Variants in CEP72 observed in about 807,000 individuals in gnomAD.
CEP72 encodes the protein centrosomal protein 72.
A neutral mutation model predicts 65.7 loss-of-function variants in CEP72; 78 were observed. The ratio of observed to expected loss-of-function variants is 1.19; its 90% CI spans 0.99 to 1.43. The LOEUF is 1.43. CEP72 is among the 40% of genes most tolerant of loss of function. The pLI is 0.00. For missense variants in CEP72, 914 were observed against 832.9 expected, an observed-to-expected ratio of 1.10 and a Z score of -1.20; for synonymous variants, 358 against 351.7, an observed-to-expected ratio of 1.02 and a Z score of -0.20.
the CEP72 span, among the ~76,000 whole-genome samples, chr5:673,728 G>C: frequency 6.6e-6 from 1 of 152,150 alleles, no homozygotes; most frequent in Non-Finnish European, 1.5e-5. Flanking sequence ...CTGGGGAGGT[G>C]AATGTGCTGG....
Position 649,157 on chromosome 5 carries a change from G to A in CEP72, c.1778+1241G>A, listed in dbSNP as rs1444886199. Among the ~76,000 whole-genome samples, 15 of 147,588 alleles carry A rather than the reference G, an allele frequency of 1.0e-4. No homozygotes were observed. In the South Asian group the frequency reaches 3.1e-3, roughly 30 times the overall value. Reference sequence around the variant, plus strand: ...TGACTGTGAGGCGTGACTGTGAGGCGTGACTGTGAGGTGTGGACTGTGAGG... The same window carrying A: ...TGACTGTGAGGCGTGACTGTGAGGCATGACTGTGAGGTGTGGACTGTGAGG... On this transcript the variant is annotated intron_variant, in intron 11 of 11. Coordinates refer to ENST00000264935, the MANE Select transcript of CEP72 (RefSeq NM_018140.4).
intron 9 of CEP72, 111 bp downstream of exon 9, chr5:640,715 C>T (rs1405662416): frequency 6.9e-7 from 1 of 1,450,888 alleles, no homozygotes; most frequent in Non-Finnish European, 9.0e-7. Context: ...ACTGCCATCT[C>T]TGCAGCCCCA....
chr5:654,456 T>C (rs995394380), downstream of CEP72, among the ~76,000 whole-genome samples: 3 of 83,316 alleles, frequency 3.6e-5, no homozygotes, highest in Non-Finnish European at 5.0e-5. Flanking sequence ...TGTGTGCTTC[T>C]GTGTGTGTGT....
chr5:676,247 C>T, the CEP72 span: 1 of 152,324 alleles, frequency 6.6e-6, no homozygotes, highest in African/African-American at 2.4e-5. Context: ...CTCAGCAGGA[C>T]ACGCAGTCTA....
chr5:675,113 CG>C, the CEP72 span, among the ~76,000 whole-genome samples: 3 of 56,974 alleles, frequency 5.3e-5, no homozygotes, highest in Non-Finnish European at 7.5e-5. Flanking sequence ...GGGTGCAGCA[CG>C]GGGGGTACAG....
At chr5:667,504 C>T (rs988255542), downstream of CEP72, among the ~76,000 whole-genome samples, 21 of 152,048 alleles carry the variant, frequency 1.4e-4, no homozygotes, top group African/African-American at 3.9e-4. Flanking sequence ...TGGGGTTAGG[C>T]GAAGATTTCT....
chr5:625,730 C>T (rs1316961775), intron 4 of CEP72, among the ~76,000 whole-genome samples: 1 of 152,158 alleles, frequency 6.6e-6, no homozygotes, highest in African/African-American at 2.4e-5. Flanking sequence ...GTGAGCCGTG[C>T]GGGAGAAGCT....
intron 11 of CEP72, among the ~76,000 whole-genome samples, chr5:649,769 C>T (rs796330647): frequency 0.011 from 198 of 18,818 alleles, 3 homozygotes; most frequent in African/African-American, 0.031. Context: ...GACTGTGAGG[C>T]GTGGACTGTG....
At chr5:674,276 C>T in the CEP72 span, among the ~76,000 whole-genome samples, 1 of 144,940 alleles carries the variant, frequency 6.9e-6, no homozygotes, top group Non-Finnish European at 1.5e-5. Flanking sequence ...TGCTGAGGAG[C>T]AGCTGCCAGG....
Position 623,631 on chromosome 5 carries a change from T to A in CEP72, c.404-840T>A, listed in dbSNP as rs1477879540. On this transcript the variant is annotated intron_variant, in intron 3 of 11. Coordinates refer to ENST00000264935, the MANE Select transcript of CEP72 (RefSeq NM_018140.4). This position sits in a 1 kb window ranked among gnomAD's most constrained non-coding sequence, Gnocchi z 5.3. ...GAGCTATGCGTCGTTAGTGCGGGGC[T>A]GGTGAAGGCCGGGGTGGAAAGGTTG... Among the ~76,000 whole-genome samples the A allele has an allele frequency of 6.7e-6, 1 of 149,608 alleles. No homozygotes were observed. The highest frequency in any genetic ancestry group is 2.0e-4 in the East Asian group (1 of 4,976).
intron 4 of CEP72, among the ~76,000 whole-genome samples, chr5:625,559 G>GT (rs1736700525): frequency 6.6e-6 from 1 of 152,212 alleles, no homozygotes; most frequent in South Asian, 2.1e-4. Flanking sequence ...GATTTGAGCC[G>GT]TTTTTTGCTG....
chr5:669,273 TGGTGAGCCC>T (rs145649492), downstream of CEP72, among the ~76,000 whole-genome samples: 45,546 of 151,630 alleles, frequency 0.3, 6,959 homozygotes, highest in South Asian at 0.38. Flanking sequence ...CAGGGGGCGC[TGGTGAGCCC>T]GGTGAGCCGG....
the CEP72 span, among the ~76,000 whole-genome samples, chr5:674,714 G>A: frequency 7.9e-5 from 12 of 151,988 alleles, no homozygotes; most frequent in Admixed American, 7.8e-4. Flanking sequence ...GCTGCTGCAG[G>A]AGGCTGCAGG....
intron 4 of CEP72, among the ~76,000 whole-genome samples, chr5:629,328 C>G (rs572721109): frequency 2.0e-5 from 3 of 152,380 alleles, no homozygotes; most frequent in Non-Finnish European, 1.5e-5. Context: ...TGTGGATGTG[C>G]TAGGAAAAGT....
rs561979233 is a variant in CEP72, at chr5:643,329, G to A, written c.1540-970G>A. On this transcript the variant is annotated intron_variant, in intron 9 of 11. Coordinates refer to ENST00000264935, the MANE Select transcript of CEP72 (RefSeq NM_018140.4). ...CTTTCTGGACGACCCAAAGCCCCGC[G>A]CGGAGGGCAGGTCATGCTGGTTGGC... 40 of 985,478 alleles carry A rather than the reference G, an allele frequency of 4.1e-5. No homozygotes were observed. In the Admixed American group the frequency reaches 1.0e-3, roughly 26 times the overall value. 61.0% of individuals were successfully genotyped at this position (985,478 alleles called of 1,614,324 possible). A position where few individuals can be genotyped will look rare whatever the true frequency, so the allele number is the denominator to read the frequency against.
At chr5:666,855 TCTGACCAGATCTACCAC>T (rs1739937362) in intron 4 of CEP72, 1 of 152,228 alleles carries the variant, frequency 6.6e-6, no homozygotes, top group Non-Finnish European at 1.5e-5. Flanking sequence ...ATTTTTCTCC[TCTGACCAGATCTACCAC>T]AACTAACCCA....
downstream of CEP72, among the ~76,000 whole-genome samples, chr5:657,303 C>T (rs1003258034): frequency 6.6e-6 from 1 of 152,124 alleles, no homozygotes; most frequent in African/African-American, 2.4e-5. Context: ...GCATCTGGTG[C>T]GTCCTGAGCA....
chr5:640,550 C>T lies in CEP72; in HGVS notation c.1485C>T (p.His495=), dbSNP rs759076078. 9 of 1,614,074 alleles carry T rather than the reference C, an allele frequency of 5.6e-6. No individual in the cohort carries two copies. The highest frequency in any genetic ancestry group is 1.7e-4 in the Middle Eastern group (1 of 6,042). ...GCCTTGCTGAGCAGCAGCAGCAGCA[C>T]GCCCGGGAGATGAGCGAGGTGACGG... ...QSRLAEQQQQ[H]AREMSEVTAE... is the part of the protein sequence containing the mutation. The change falls in exon 9 of 12, where the codon CAC becomes CAT. Residue 495 remains histidine (H), a synonymous_variant. Transcript: ENST00000264935.
In CEP72 at chr5:640,831, C is replaced by T. The variant is rs1465451371; in HGVS notation, c.1539+227C>T. The T allele has an allele frequency of 3.8e-5, 37 of 985,364 alleles. No individual in the cohort carries two copies. The East Asian group carries it at 5.7e-4, about 15-fold the overall frequency. The allele number at this position is 985,364 out of a possible 1,614,324, so 61.0% of individuals were successfully genotyped here. Reference sequence around the variant, plus strand: ...AGACAGCAGTGGCGCTGGCCACCTTCTCTCCCCGGGCCCAAGGGACCCTCC... The same window carrying T: ...AGACAGCAGTGGCGCTGGCCACCTTTTCTCCCCGGGCCCAAGGGACCCTCC... On this transcript the variant is annotated intron_variant, in intron 9 of 11. Transcript: ENST00000264935.
Sources: allele counts gnomAD v4.1 joint callset (sites outside exome capture counted in the v4.1 genomes callset), GRCh38; gene constraint gnomAD v4.1.1; non-coding constraint Gnocchi (gnomAD v3.1); transcripts MANE v1.5; gene names NCBI Gene and HGNC (gene_info 2026-07-23, HGNC 2026-07-21).